The following SPOCK1 variants were observed in gnomAD, a reference collection of about 807,000 sequenced individuals.
SPOCK1 encodes testican-1.
In SPOCK1, 23 loss-of-function variants were observed where a neutral mutation model predicts 55.3. That is an observed-to-expected ratio of 0.42 (90% CI 0.30 to 0.59). The LOEUF (loss-of-function observed/expected upper bound fraction) is 0.59, where lower values mean the gene tolerates loss of function less well. Ranked by LOEUF, SPOCK1 falls within the 20% of genes least tolerant of loss-of-function variation. The pLI, the probability that SPOCK1 is intolerant of heterozygous loss-of-function variation, is 0.22. For synonymous variants in SPOCK1, 226 were observed against 221.0 expected, an observed-to-expected ratio of 1.02 and a Z score of -0.20; for missense variants, 499 against 552.5, an observed-to-expected ratio of 0.90 and a Z score of 0.97.
intron 2 of SPOCK1, among the ~76,000 whole-genome samples, chr5:137,480,447 T>C (rs1159222313): frequency 2.6e-5 from 4 of 152,192 alleles, no homozygotes; most frequent in Admixed American, 2.6e-4. Context: ...CTAATCCTAT[T>C]ATGTGGCCTT....
At chr5:137,150,328 C>T (rs1754295619) in intron 3 of SPOCK1, among the ~76,000 whole-genome samples, 1 of 152,108 alleles carries the variant, frequency 6.6e-6, no homozygotes, top group African/African-American at 2.4e-5. Flanking sequence ...CTTGTCTCTA[C>T]CCACAGATAG....
At chr5:137,274,860 G>A (rs770757462) in intron 2 of SPOCK1, among the ~76,000 whole-genome samples, 6 of 152,142 alleles carry the variant, frequency 3.9e-5, no homozygotes, top group South Asian at 2.1e-4. Flanking sequence ...TCTAAGATTC[G>A]GTCACACCTC....
chr5:136,992,865 C>T (rs527597910), intron 6 of SPOCK1: 86 of 347,850 alleles, frequency 2.5e-4, no homozygotes, highest in African/African-American at 1.7e-3. Context: ...CTGCAGTGGT[C>T]TCACCGTTGT....
intron 2 of SPOCK1, among the ~76,000 whole-genome samples, chr5:137,497,346 T>C (rs1033349660): frequency 2.6e-5 from 4 of 152,228 alleles, no homozygotes; most frequent in Non-Finnish European, 4.4e-5. Flanking sequence ...AAAGAAACAG[T>C]GCCTTTGAAC....
intron 2 of SPOCK1, among the ~76,000 whole-genome samples, chr5:137,328,799 A>G (rs994538889): frequency 2.6e-5 from 4 of 152,202 alleles, no homozygotes; most frequent in Non-Finnish European, 4.4e-5. Flanking sequence ...AACCCAAGCC[A>G]TCTGCATCAC....
rs573697147 is a variant in SPOCK1 at position 137,430,858 on chromosome 5, CAG to C, written c.186+67513_186+67514del. ...TTGCTGCCTTTCACTGCAGAGATGGCAGAGTCACCCATCCACTTGCCTTCTTT... is the reference window on the plus strand; with the variant it reads ...TTGCTGCCTTTCACTGCAGAGATGGCAGTCACCCATCCACTTGCCTTCTTT... On this transcript the variant is annotated intron_variant, in intron 2 of 10. Coordinates refer to ENST00000394945, the MANE Select transcript of SPOCK1 (RefSeq NM_004598.4). Among the ~76,000 whole-genome samples the C allele has an allele frequency of 1.7e-3, 263 of 152,338 alleles. 11 individuals are homozygous for C. The South Asian group carries it at 0.051, about 30-fold the overall frequency.
chr5:136,989,642 T>C (rs946255706), intron 7 of SPOCK1, among the ~76,000 whole-genome samples: 12 of 152,106 alleles, frequency 7.9e-5, no homozygotes, highest in African/African-American at 2.9e-4. Context: ...GGTCATACAA[T>C]TGTAGAATGG....
chr5:137,007,555 T>A (rs772857508), intron 6 of SPOCK1, among the ~76,000 whole-genome samples: 1 of 152,186 alleles, frequency 6.6e-6, no homozygotes, highest in Non-Finnish European at 1.5e-5. Flanking sequence ...TCATCACTGG[T>A]CATTAGAGAA....
chr5:137,348,548 T>C (rs996993427), intron 2 of SPOCK1, among the ~76,000 whole-genome samples: 1 of 152,186 alleles, frequency 6.6e-6, no homozygotes, highest in Non-Finnish European at 1.5e-5. Flanking sequence ...TTGCATGTGC[T>C]TTTTATGATT....
At chr5:137,266,290 T>C (rs1756849622) in intron 3 of SPOCK1, among the ~76,000 whole-genome samples, 1 of 152,222 alleles carries the variant, frequency 6.6e-6, no homozygotes, top group African/African-American at 2.4e-5. Flanking sequence ...TAATTCCATA[T>C]GAACATATGA....
chr5:137,464,913 G>T (rs891286375), intron 2 of SPOCK1, among the ~76,000 whole-genome samples: 3 of 152,154 alleles, frequency 2.0e-5, no homozygotes, highest in Non-Finnish European at 4.4e-5. Context: ...GGTGAAAAGA[G>T]GTCTGAGGAC....
At chr5:136,987,573 A>ATATC (rs551227518) in intron 8 of SPOCK1, among the ~76,000 whole-genome samples, 158 of 152,320 alleles carry the variant, frequency 1.0e-3, no homozygotes, top group Non-Finnish European at 1.8e-3. Flanking sequence ...TTTTAAGAAC[A>ATATC]TATCTTGAAA....
rs140737666 is a variant in SPOCK1, at chr5:137,150,223, G to T, written c.233-9529C>A. ...TCAAGCATGGGGTCCACTTTGTCCCGAAAACTTCTGCTGACTAACCACATC... is the reference window on the plus strand; with the variant it reads ...TCAAGCATGGGGTCCACTTTGTCCCTAAAACTTCTGCTGACTAACCACATC... On this transcript the variant is annotated intron_variant, in intron 3 of 10. Transcript: ENST00000394945. 7.9e-5 allele frequency among the ~76,000 whole-genome samples: 12 copies of T among 152,206 alleles called. No individual in the cohort carries two copies. In the East Asian group the frequency reaches 2.3e-3, roughly 29 times the overall value.
intron 2 of SPOCK1, among the ~76,000 whole-genome samples, chr5:137,484,172 G>T (rs758125814): frequency 6.6e-6 from 1 of 152,174 alleles, no homozygotes; most frequent in Non-Finnish European, 1.5e-5. Context: ...CCAGGAGCAG[G>T]GCATCCATCA....
chr5:137,200,903 G>T (rs552528255), intron 3 of SPOCK1, among the ~76,000 whole-genome samples: 86 of 152,310 alleles, frequency 5.6e-4, no homozygotes, highest in African/African-American at 2.1e-3. Context: ...TTCTGTTAAT[G>T]ACACTGTGAG....
chr5:137,024,337 A>C (rs1751631821), intron 6 of SPOCK1, among the ~76,000 whole-genome samples: 2 of 149,958 alleles, frequency 1.3e-5, no homozygotes, highest in Admixed American at 6.7e-5. Context: ...GTTACAACTG[A>C]CTGCTCATGT....
intron 2 of SPOCK1, among the ~76,000 whole-genome samples, chr5:137,344,864 G>A (rs1038573648): frequency 7.9e-5 from 12 of 152,190 alleles, no homozygotes; most frequent in African/African-American, 2.9e-4. Context: ...AAGGGATTTT[G>A]ATGCAAGTGT....
intron 2 of SPOCK1, among the ~76,000 whole-genome samples, chr5:137,293,578 G>T (rs1252204185): frequency 1.3e-5 from 2 of 151,844 alleles, no homozygotes. Flanking sequence ...ATCCCACCTT[G>T]CCCCTCCCCA....
intron 6 of SPOCK1, among the ~76,000 whole-genome samples, chr5:137,052,018 C>A (rs572563596): frequency 1.3e-5 from 2 of 152,302 alleles, no homozygotes; most frequent in South Asian, 2.1e-4. Flanking sequence ...GAGATGTAAG[C>A]AGAACTGTAT....
Sources: gnomAD v4.1 joint callset for allele counts (sites outside exome capture counted in the v4.1 genomes callset) on GRCh38, gnomAD v4.1.1 for gene constraint, MANE v1.5 for transcripts, NCBI Gene and HGNC (gene_info 2026-07-23, HGNC 2026-07-21) for gene names.